Variants in NTN1 observed in about 807,000 individuals in gnomAD.
The protein encoded by NTN1 is netrin 1, also known as netrin-1.
Under a neutral mutation model 54.2 loss-of-function variants are expected in NTN1, and 11 were observed. That is an observed-to-expected ratio of 0.20 (90% CI 0.13 to 0.34). The LOEUF (loss-of-function observed/expected upper bound fraction) is 0.34. Ranked by LOEUF, NTN1 falls within the 10% of genes least tolerant of loss-of-function variation. The pLI is 1.00. For synonymous variants in NTN1, 371 were observed against 382.0 expected, an observed-to-expected ratio of 0.97 and a Z score of 0.33; for missense variants, 740 against 893.1, an observed-to-expected ratio of 0.83 and a Z score of 2.18.
intron 6 of NTN1, among the ~76,000 whole-genome samples, chr17:9,232,733 G>T (rs1156977995): frequency 6.6e-6 from 1 of 152,128 alleles, no homozygotes; most frequent in Non-Finnish European, 1.5e-5. Flanking sequence ...CAGGGGCCAC[G>T]GTGACCCCCC....
chr17:9,161,284 G>C (rs2092356177), intron 2 of NTN1, among the ~76,000 whole-genome samples: 1 of 152,214 alleles, frequency 6.6e-6, no homozygotes, highest in Non-Finnish European at 1.5e-5. Flanking sequence ...TGGGAGGAAG[G>C]GAACAGCATG....
Position 9,243,316 on chromosome 17 carries a change from G to A in NTN1, c.*3348G>A, listed in dbSNP as rs1031354145. On this transcript the variant is annotated 3_prime_UTR_variant, in exon 7 of 7. Coordinates refer to ENST00000173229, the MANE Select transcript of NTN1 (RefSeq NM_004822.3). ...CCAGGGAGGCTGGGAGCTGCTCCAA[G>A]GCCCTGGAACTCTGCCTCAGTCGCG... The A allele has an allele frequency of 8.5e-5, 13 of 152,334 alleles. No homozygotes were observed. The highest frequency in any genetic ancestry group is 2.0e-4 in the Admixed American group (3 of 15,270). The allele number at this position is 152,334 out of a possible 1,614,324, so 9.4% of individuals were successfully genotyped here. A position where few individuals can be genotyped will look rare whatever the true frequency, so the allele number is the denominator to read the frequency against.
intron 2 of NTN1, among the ~76,000 whole-genome samples, chr17:9,068,961 C>T (rs779756624): frequency 2.6e-5 from 4 of 152,146 alleles, no homozygotes; most frequent in Non-Finnish European, 5.9e-5. Context: ...GACTGACCCA[C>T]GGCTCTCTTC....
At chr17:9,061,743 G>T (rs112071048) in intron 2 of NTN1, among the ~76,000 whole-genome samples, 2 of 151,812 alleles carry the variant, frequency 1.3e-5, no homozygotes, top group Non-Finnish European at 2.9e-5. Context: ...TCGCTCTGTC[G>T]CCCAGACCAG....
At chr17:9,043,906 T>A (rs957592558) in intron 2 of NTN1, among the ~76,000 whole-genome samples, 2 of 152,054 alleles carry the variant, frequency 1.3e-5, no homozygotes, top group Non-Finnish European at 2.9e-5. Flanking sequence ...TTAATTTTTT[T>A]ATCTTTATTA....
chr17:9,022,417 T>C lies in NTN1; in HGVS notation c.44T>C (p.Val15Ala). The C allele has an allele frequency of 7.4e-7, 1 of 1,344,822 alleles. No individual in the cohort carries two copies. The highest frequency in any genetic ancestry group is 2.1e-5 in the South Asian group (1 of 48,600). 83.3% of individuals were successfully genotyped at this position (1,344,822 alleles called of 1,614,324 possible). ...GAGGCGCTGGCGGCGCTGGCGGCGG[T>C]GGCGTGCCTGGTGGGCGCGGTGCGC... ...VWEALAALAA[V>A]ACLVGAVRGG... is the part of the protein sequence containing the mutation. Residue 15 changes from valine (V) to alanine (A), a missense_variant, in exon 2 of 7, where the codon GTG becomes GCG. By Grantham distance (64) the Val-to-Ala change is moderately conservative. Coordinates refer to ENST00000173229, the MANE Select transcript of NTN1 (RefSeq NM_004822.3).
chr17:9,140,533 CA>C (rs1024524211), intron 2 of NTN1, among the ~76,000 whole-genome samples: 6 of 152,180 alleles, frequency 3.9e-5, no homozygotes, highest in African/African-American at 1.4e-4. Flanking sequence ...AGGTGTGGGT[CA>C]GACCCCTATG....
At chr17:9,096,746 A>G (rs1056997700) in intron 2 of NTN1, among the ~76,000 whole-genome samples, 2 of 152,084 alleles carry the variant, frequency 1.3e-5, no homozygotes, top group Non-Finnish European at 2.9e-5. Context: ...GTCTTCTTGC[A>G]TTGGCTACAC....
At chr17:9,218,131 C>A (rs144896252) in intron 5 of NTN1, among the ~76,000 whole-genome samples, 39 of 152,280 alleles carry the variant, frequency 2.6e-4, no homozygotes, top group African/African-American at 8.7e-4. Flanking sequence ...TCAGACACTC[C>A]GGCCATTCCC....
At chr17:9,029,372 C>T (rs2091881733) in intron 2 of NTN1, among the ~76,000 whole-genome samples, 1 of 152,166 alleles carries the variant, frequency 6.6e-6, no homozygotes, top group South Asian at 2.1e-4. Flanking sequence ...GATAAGTCTG[C>T]AGGGCACGTC....
chr17:9,031,980 A>T (rs1002123279), intron 2 of NTN1, among the ~76,000 whole-genome samples: 4 of 88,134 alleles, frequency 4.5e-5, no homozygotes, highest in East Asian at 2.0e-4. Context: ...AAAAGAAGAT[A>T]AAAAAAAAAA....
intron 2 of NTN1, among the ~76,000 whole-genome samples, chr17:9,160,988 G>A (rs1278583871): frequency 2.0e-5 from 3 of 152,168 alleles, no homozygotes. Context: ...AACCCAGCAT[G>A]TATTTCTTTA....
chr17:9,161,337 C>T (rs532532573), intron 2 of NTN1, among the ~76,000 whole-genome samples: 84 of 152,274 alleles, frequency 5.5e-4, no homozygotes, highest in African/African-American at 2.0e-3. Flanking sequence ...TTGCACGTGG[C>T]TCTAGAAACA....
In NTN1 at chr17:9,023,013, T is replaced by G; in HGVS notation, c.640T>G (p.Ser214Ala). ...CTCGCACACCGACATGCGCCCGCTC[T>G]CGGGCGGCCTCATCGCCTTCAGCAC... ...TDSHTDMRPLSGGLIAFSTLD... is the reference protein window; with the variant it reads ...TDSHTDMRPLAGGLIAFSTLD... Residue 214 changes from serine to alanine, a missense_variant, in exon 2 of 7, where the codon TCG becomes GCG. Ser to Ala is a moderately conservative substitution (Grantham distance 99). Transcript: ENST00000173229. 6.2e-7 allele frequency: 1 copy of G among 1,604,064 alleles called. No individual in the cohort carries two copies. Among genetic ancestry groups the G allele is most frequent in the South Asian group, 1.1e-5 (1 of 89,790 alleles).
Position 9,241,835 on chromosome 17 carries a change from A to G in NTN1, c.*1867A>G, listed in dbSNP as rs1209655698. ...AAATTGGTGGCAGGACTGGGGCTCA[A>G]ACTCCAGAGCCCGACTTTCTGACCA... On this transcript the variant is annotated 3_prime_UTR_variant, in exon 7 of 7. Coordinates refer to ENST00000173229, the MANE Select transcript of NTN1 (RefSeq NM_004822.3). 6.6e-6 allele frequency: 1 copy of G among 152,248 alleles called. No individual in the cohort carries two copies. The allele number at this position is 152,248 out of a possible 1,614,324, so 9.4% of individuals were successfully genotyped here. A position where few individuals can be genotyped will look rare whatever the true frequency, so the allele number is the denominator to read the frequency against.
chr17:9,109,633 A>C (rs1168213950), intron 2 of NTN1, among the ~76,000 whole-genome samples: 1 of 152,250 alleles, frequency 6.6e-6, no homozygotes, highest in Non-Finnish European at 1.5e-5. Flanking sequence ...GAGATTTCTC[A>C]AGGGTAGATA....
chr17:9,236,369 G>T (rs1905989969), intron 6 of NTN1, among the ~76,000 whole-genome samples: 1 of 152,218 alleles, frequency 6.6e-6, no homozygotes, highest in African/African-American at 2.4e-5. Context: ...GTGCCGTGTG[G>T]GTGCTGATGC....
chr17:9,170,152 C>G (rs540881757), intron 3 of NTN1, among the ~76,000 whole-genome samples: 2 of 152,266 alleles, frequency 1.3e-5, no homozygotes, highest in South Asian at 4.1e-4. Context: ...TCAGGCTCCA[C>G]CTCTGGAGGC....
chr17:9,163,022 CG>C (rs779443102), intron 3 of NTN1, 21 bp downstream of exon 3: 7 of 1,527,560 alleles, frequency 4.6e-6, no homozygotes, highest in Non-Finnish European at 6.3e-6. Context: ...CGTGGCGGGG[CG>C]GGGGGCTGGG....
Sources: allele counts gnomAD v4.1 joint callset (sites outside exome capture counted in the v4.1 genomes callset), GRCh38; gene constraint gnomAD v4.1.1; transcripts MANE v1.5; gene names NCBI Gene and HGNC (gene_info 2026-07-23, HGNC 2026-07-21).